RIN2: variants seen among roughly 807,000 people sequenced by gnomAD.
RIN2 encodes RAB5 interacting protein 2.
RIN2 carries 36 observed loss-of-function variants against 78.0 expected under a neutral mutation model. The observed-to-expected ratio is 0.46, with a 90% CI of 0.35 to 0.61. RIN2 has a LOEUF of 0.61. RIN2 is among the 20% of genes least tolerant of loss of function. The pLI is 0.00. For synonymous variants in RIN2, 466 were observed against 466.8 expected (o/e 1.00, Z 0.02); for missense variants, 1,087 against 1,159.7 (o/e 0.94, Z 0.91).
At chr20:19,990,778 A>G (rs1181527356) in intron 10 of RIN2, among the ~76,000 whole-genome samples, 1 of 152,200 alleles carries the variant, frequency 6.6e-6, no homozygotes. Context: ...GATTATCATT[A>G]CAACATTTTG....
At chr20:19,797,589 A>C (rs34235502) in intron 1 of RIN2, among the ~76,000 whole-genome samples, 7,207 of 152,322 alleles carry the variant, frequency 0.047, 223 homozygotes, top group Middle Eastern at 0.11. Context: ...CCTATTAGTA[A>C]AGATTAGAAG....
chr20:19,823,474 C>G lies in RIN2; in HGVS notation c.-37+23727C>G, dbSNP rs61737433. ...ACTAGCTGGGCATTCTACAGCACCA[C>G]TGTTGATGTCATCTATGATGTCATG... On this transcript the variant is annotated intron_variant, in intron 2 of 12. Coordinates refer to ENST00000255006, the MANE Select transcript of RIN2 (RefSeq NM_018993.4). The G allele has an allele frequency of 8.7e-3, 6,952 of 803,548 alleles. 319 individuals carry two copies. In the African/African-American group the frequency reaches 0.098, roughly 11 times the overall value. 49.8% of individuals were successfully genotyped at this position (803,548 alleles called of 1,614,324 possible).
At chr20:19,956,309 G>A (rs1438937310) in intron 4 of RIN2, among the ~76,000 whole-genome samples, 1 of 149,814 alleles carries the variant, frequency 6.7e-6, no homozygotes, top group Admixed American at 6.6e-5. Context: ...AATGTTTTAT[G>A]TCGGAAGACA....
At chr20:19,797,024 T>C (rs1725211195) in intron 1 of RIN2, among the ~76,000 whole-genome samples, 1 of 152,284 alleles carries the variant, frequency 6.6e-6, no homozygotes, top group South Asian at 2.1e-4. Flanking sequence ...TAGAGAAATG[T>C]AGTGGGAGAA....
intron 4 of RIN2, among the ~76,000 whole-genome samples, chr20:19,941,027 G>A (rs982426001): frequency 6.6e-6 from 1 of 152,152 alleles, no homozygotes; most frequent in Non-Finnish European, 1.5e-5. Flanking sequence ...CTGCCACTTC[G>A]CTGGTGTCCT....
intron 2 of RIN2, among the ~76,000 whole-genome samples, chr20:19,862,137 CAG>C (rs377114215): frequency 5.7e-4 from 87 of 152,366 alleles, no homozygotes; most frequent in African/African-American, 2.1e-3. Context: ...TTGGTTTAGC[CAG>C]AGTCTCCTGA....
chr20:19,839,380 AGCCACAGTGTG>A (rs1380823042), intron 2 of RIN2, among the ~76,000 whole-genome samples: 2 of 152,196 alleles, frequency 1.3e-5, no homozygotes, highest in Non-Finnish European at 2.9e-5. Flanking sequence ...GTATCATACC[AGCCACAGTGTG>A]GCGACTGAGC....
chr20:19,999,829 G>T (rs889667224), intron 12 of RIN2, among the ~76,000 whole-genome samples: 4 of 152,146 alleles, frequency 2.6e-5, no homozygotes, highest in African/African-American at 9.7e-5. Context: ...AGCTCCATCT[G>T]CAAAGTATTT....
chr20:19,882,877 G>GA (rs1202490389), intron 2 of RIN2, among the ~76,000 whole-genome samples: 69 of 152,166 alleles, frequency 4.5e-4, no homozygotes, highest in Middle Eastern at 3.4e-3. Flanking sequence ...TAGAAATACT[G>GA]AAAAAAATTA....
At chr20:19,877,564 T>C (rs954383698) in intron 2 of RIN2, among the ~76,000 whole-genome samples, 1 of 152,168 alleles carries the variant, frequency 6.6e-6, no homozygotes, top group African/African-American at 2.4e-5. Flanking sequence ...CTGACCTCTT[T>C]GCTGGAATTC....
At chr20:19,948,596 T>A (rs2041191131) in intron 4 of RIN2, among the ~76,000 whole-genome samples, 1 of 152,072 alleles carries the variant, frequency 6.6e-6, no homozygotes. Context: ...GGTTTCACCA[T>A]GTTGGCCAGG....
intron 2 of RIN2, among the ~76,000 whole-genome samples, chr20:19,813,930 T>C (rs1436943476): frequency 6.6e-6 from 1 of 152,202 alleles, no homozygotes; most frequent in African/African-American, 2.4e-5. Context: ...AAATAAATTA[T>C]AGAAAACTAG....
chr20:19,915,138 A>G (rs1285280785), intron 3 of RIN2, among the ~76,000 whole-genome samples: 1 of 152,236 alleles, frequency 6.6e-6, no homozygotes. Flanking sequence ...GGGTTCCTCC[A>G]GTAGCAGAGA....
rs1265879907 is a variant in RIN2, at chr20:19,808,901, G to A, written c.-37+9154G>A. On this transcript the variant is annotated intron_variant, in intron 2 of 12. Transcript: ENST00000255006. ...GAGACGACATGCAGTGAAAAGAAGGGCAGAGCCGGCCTAAAGGGATGCGGT... is the reference window on the plus strand; with the variant it reads ...GAGACGACATGCAGTGAAAAGAAGGACAGAGCCGGCCTAAAGGGATGCGGT... 3.3e-5 allele frequency among the ~76,000 whole-genome samples: 5 copies of A among 152,318 alleles called. No homozygotes were observed. The East Asian group carries it at 7.7e-4, about 24-fold the overall frequency.
At chr20:19,867,288 ACTT>A (rs2123331714) in intron 2 of RIN2, among the ~76,000 whole-genome samples, 2 of 152,198 alleles carry the variant, frequency 1.3e-5, no homozygotes, top group South Asian at 4.1e-4. Context: ...TTTAGTGTTT[ACTT>A]CTTAAGAACA....
Position 19,935,133 on chromosome 20 carries a change from T to C in RIN2, c.92T>C (p.Leu31Pro). The change falls in exon 4 of 13, where the codon CTG (leucine) becomes CCG (proline). Residue 31 changes from leucine (L) to proline (P), a missense_variant. Leu to Pro is a moderately conservative substitution (Grantham distance 98). Transcript: ENST00000255006. ...ACAATTGCCTCGGAGATCGGAGAAC[T>C]GAAACAGGAGATGGTGCGGACAGAT... ...IDTIASEIGE[L>P]KQEMVRTDVN... 6.2e-7 allele frequency: 1 copy of C among 1,604,136 alleles called. No individual in the cohort carries two copies. The highest frequency in any genetic ancestry group is 8.5e-7 in the Non-Finnish European group (1 of 1,175,366).
chr20:19,967,492 C>T (rs143593312), intron 7 of RIN2, among the ~76,000 whole-genome samples: 1 of 152,336 alleles, frequency 6.6e-6, no homozygotes, highest in East Asian at 1.9e-4. Context: ...ATTATTGGTT[C>T]TGGTGTTTCA....
At position 19,877,399 on chromosome 20, in the gene RIN2, G is replaced by C. The variant is rs1453274842; in HGVS notation, c.-36-12167G>C. On this transcript the variant is annotated intron_variant, in intron 2 of 12. Coordinates refer to ENST00000255006, the MANE Select transcript of RIN2 (RefSeq NM_018993.4). ...ACTCCCAAGAGAAGAATGTTTGGAG[G>C]GGAAAGGCATCTGGTTTGGAACTGA... Among the ~76,000 whole-genome samples the C allele has an allele frequency of 2.0e-5, 3 of 152,174 alleles. No homozygotes were observed. In the East Asian group the frequency reaches 5.8e-4, roughly 29 times the overall value.
intron 1 of RIN2, among the ~76,000 whole-genome samples, chr20:19,786,802 T>C (rs1040529081): frequency 1.2e-4 from 19 of 152,230 alleles, no homozygotes; most frequent in Admixed American, 1.0e-3. Flanking sequence ...GGACAGAACA[T>C]GTCTCTTTGG....
Sources: allele counts gnomAD v4.1 joint callset (sites outside exome capture counted in the v4.1 genomes callset), GRCh38; gene constraint gnomAD v4.1.1; transcripts MANE v1.5; gene names NCBI Gene and HGNC (gene_info 2026-07-23, HGNC 2026-07-21).